The following SPATS2 variants were observed in gnomAD, a reference collection of about 807,000 sequenced individuals.
SPATS2 encodes the protein spermatogenesis associated serine rich 2.
SPATS2 carries 38 observed loss-of-function variants against 63.7 expected under a neutral mutation model. That is an observed-to-expected ratio of 0.60 (90% CI 0.46 to 0.78). SPATS2 has a LOEUF of 0.78. SPATS2 is among the 30% of genes least tolerant of loss of function. The probability of loss-of-function intolerance (pLI) is 0.00; values close to 1 mark genes in which losing one functional copy is unlikely to be tolerated. For synonymous variants in SPATS2, 207 were observed against 232.9 expected (o/e 0.89, Z 1.01); for missense variants, 588 against 666.2 (o/e 0.88, Z 1.29).
At chr12:49,487,034 G>T (rs1946306512) in intron 4 of SPATS2, among the ~76,000 whole-genome samples, 1 of 151,722 alleles carries the variant, frequency 6.6e-6, no homozygotes, top group African/African-American at 2.4e-5. Flanking sequence ...TCACTGATTT[G>T]TTTTATTTTT....
chr12:49,384,644 A>G (rs185872081), intron 2 of SPATS2, among the ~76,000 whole-genome samples: 5 of 152,226 alleles, frequency 3.3e-5, no homozygotes, highest in African/African-American at 7.2e-5. Context: ...TTAACAAATC[A>G]TAGAACCCTA....
intron 2 of SPATS2, among the ~76,000 whole-genome samples, chr12:49,384,468 G>A (rs1470788350): frequency 6.6e-6 from 1 of 152,050 alleles, no homozygotes; most frequent in East Asian, 1.9e-4. Flanking sequence ...CTAACAGATT[G>A]GTATTTTTCC....
chr12:49,494,147 T>C (rs1946427695), intron 6 of SPATS2, among the ~76,000 whole-genome samples: 1 of 152,212 alleles, frequency 6.6e-6, no homozygotes, highest in Non-Finnish European at 1.5e-5. Flanking sequence ...GTAATTTTGA[T>C]AAGCATTACT....
At chr12:49,414,940 CT>C (rs1198243704) in intron 2 of SPATS2, among the ~76,000 whole-genome samples, 146 of 126,890 alleles carry the variant, frequency 1.2e-3, no homozygotes, top group Middle Eastern at 4.5e-3. Context: ...TTTTTCTTTT[CT>C]TTTTTTTTTT....
intron 2 of SPATS2, among the ~76,000 whole-genome samples, chr12:49,426,959 A>T (rs1305322625): frequency 3.3e-5 from 5 of 152,216 alleles, no homozygotes; most frequent in African/African-American, 9.6e-5. Context: ...ACATTCTTGT[A>T]CATGTCTTTT....
chr12:49,413,269 C>G (rs1214808307), intron 2 of SPATS2, among the ~76,000 whole-genome samples: 1 of 152,196 alleles, frequency 6.6e-6, no homozygotes, highest in Admixed American at 6.5e-5. Context: ...CAGGGAAGTT[C>G]AAATAGGCAG....
At chr12:49,455,120 A>T (rs1197386874) in intron 2 of SPATS2, among the ~76,000 whole-genome samples, 1 of 152,092 alleles carries the variant, frequency 6.6e-6, no homozygotes, top group Non-Finnish European at 1.5e-5. Flanking sequence ...AAAATTTTAA[A>T]GTCTGGCTTG....
chr12:49,496,703 G>T, intron 7 of SPATS2, 130 bp from the exon 8 acceptor site: 1 of 886,708 alleles, frequency 1.1e-6, no homozygotes, highest in East Asian at 2.6e-5. Flanking sequence ...TGTTTCAGTT[G>T]ATTTTGTTTA....
intron 2 of SPATS2, among the ~76,000 whole-genome samples, chr12:49,453,988 G>T (rs548529845): frequency 1.4e-5 from 2 of 144,658 alleles, no homozygotes; most frequent in Non-Finnish European, 3.0e-5. Context: ...TCAGCCTCCC[G>T]AGTAGCTGGG....
Position 49,460,775 on chromosome 12 carries a change from C to A in SPATS2, c.-238C>A. The stretch of plus-strand genomic sequence containing the variant: ...GTTTGTGTTTTTCCCTCCAGAATCT[C>A]CCTGGAAAAGGAGACATGAATGTCT... On this transcript the variant is annotated 5_prime_UTR_variant, in exon 3 of 14. Coordinates refer to ENST00000552918, the MANE Select transcript of SPATS2 (RefSeq NM_023071.4). 3.6e-6 allele frequency: 2 copies of A among 552,268 alleles called. 1 individual carries two copies. Among genetic ancestry groups the A allele is most frequent in the Non-Finnish European group, 6.5e-6 (2 of 307,652 alleles). 34.2% of individuals were successfully genotyped at this position (552,268 alleles called of 1,614,324 possible).
At chr12:49,411,242 C>T (rs886495268) in intron 2 of SPATS2, among the ~76,000 whole-genome samples, 2 of 152,144 alleles carry the variant, frequency 1.3e-5, no homozygotes, top group Non-Finnish European at 2.9e-5. Context: ...ACTCAGTCCT[C>T]TTGCCATGTA....
chr12:49,467,888 C>G (rs1945952408), intron 3 of SPATS2, among the ~76,000 whole-genome samples: 2 of 151,750 alleles, frequency 1.3e-5, no homozygotes, highest in South Asian at 4.2e-4. Flanking sequence ...CACCTGCCAC[C>G]ACGCCCGGCT....
intron 9 of SPATS2, among the ~76,000 whole-genome samples, chr12:49,504,858 G>T (rs760693120): frequency 2.0e-5 from 3 of 148,444 alleles, no homozygotes; most frequent in African/African-American, 7.5e-5. Flanking sequence ...AGCCTCCCAG[G>T]CTCAAGGGAT....
intron 2 of SPATS2, among the ~76,000 whole-genome samples, chr12:49,430,690 G>A (rs1945169915): frequency 6.6e-6 from 1 of 151,846 alleles, no homozygotes; most frequent in African/African-American, 2.4e-5. Context: ...AATTTACTGG[G>A]TAAGGGTCTT....
chr12:49,387,316 A>G (rs1944334062), intron 2 of SPATS2, among the ~76,000 whole-genome samples: 1 of 152,046 alleles, frequency 6.6e-6, no homozygotes, highest in South Asian at 2.1e-4. Flanking sequence ...GGAACTAGAG[A>G]TATGCAGAAC....
chr12:49,389,706 A>G (rs759516092), intron 2 of SPATS2: 6 of 1,551,132 alleles, frequency 3.9e-6, no homozygotes, highest in Non-Finnish European at 5.3e-6. Flanking sequence ...GCCACGGTCC[A>G]CGTTAGTTAT....
At chr12:49,415,001 G>A (rs1172293382) in intron 2 of SPATS2, among the ~76,000 whole-genome samples, 1 of 149,264 alleles carries the variant, frequency 6.7e-6, no homozygotes, top group Non-Finnish European at 1.5e-5. Flanking sequence ...GTGCAGTGGC[G>A]GGATCTCGGC....
intron 2 of SPATS2, among the ~76,000 whole-genome samples, chr12:49,407,881 ACCG>A (rs1483954337): frequency 6.6e-6 from 1 of 152,202 alleles, no homozygotes; most frequent in Non-Finnish European, 1.5e-5. Context: ...CAGCTTTTGC[ACCG>A]CCAACAGCAG....
At chr12:49,484,322 G>A (rs145104384) in intron 3 of SPATS2, among the ~76,000 whole-genome samples, 8 of 152,278 alleles carry the variant, frequency 5.3e-5, no homozygotes, top group Middle Eastern at 6.8e-3. Flanking sequence ...AATTAACAAC[G>A]ATATCAAGGA....
Sources: allele counts gnomAD v4.1 joint callset (sites outside exome capture counted in the v4.1 genomes callset), GRCh38; gene constraint gnomAD v4.1.1; transcripts MANE v1.5; gene names NCBI Gene and HGNC (gene_info 2026-07-23, HGNC 2026-07-21).